The following CCDC127 variants were observed in gnomAD, a reference collection of about 807,000 sequenced individuals.
CCDC127 encodes the protein coiled-coil domain containing 127, also known as coiled-coil domain-containing protein 127.
Under a neutral mutation model 4.1 loss-of-function variants are expected in CCDC127, and 2 were observed. The observed-to-expected ratio is 0.49, with a 90% confidence interval of 0.20 to 1.53. The LOEUF (loss-of-function observed/expected upper bound fraction) is 1.53. CCDC127 is among the 40% of genes most tolerant of loss of function. The pLI is 0.23. For synonymous variants in CCDC127, 98 were observed against 120.4 expected, an observed-to-expected ratio of 0.81 and a Z score of 1.22; for missense variants, 271 against 322.9, an observed-to-expected ratio of 0.84 and a Z score of 1.23.
At chr5:213,434 A>G (rs76415767) in intron 2 of CCDC127, among the ~76,000 whole-genome samples, 56 of 89,030 alleles carry the variant, frequency 6.3e-4, no homozygotes, top group African/African-American at 1.6e-3. Flanking sequence ...GTGTGAGCAC[A>G]CTGATGCTTG....
Position 202,696 on chromosome 5 carries a change from C to G in CCDC127, c.*2601G>C, listed in dbSNP as rs373053921. On this transcript the variant is annotated 3_prime_UTR_variant, in exon 3 of 3. Coordinates refer to ENST00000296824, the MANE Select transcript of CCDC127 (RefSeq NM_145265.3). ...TCACTATAGAAGGAAGCTAGGCTGA[C>G]AGCACACTGGACATTAGAAACAGGA... 3 of 152,274 alleles carry G rather than the reference C, an allele frequency of 2.0e-5. No homozygotes were observed. Among genetic ancestry groups the G allele is most frequent in the Non-Finnish European group, 4.4e-5 (3 of 68,056 alleles). The allele number at this position is 152,274 out of a possible 1,614,324, so 9.4% of individuals were successfully genotyped here.
chr5:210,556 T>C (rs971712415), intron 2 of CCDC127, among the ~76,000 whole-genome samples: 26 of 152,164 alleles, frequency 1.7e-4, no homozygotes, highest in Non-Finnish European at 3.5e-4. Flanking sequence ...CATCACACCC[T>C]GGAGCCACGA....
Position 197,087 on chromosome 5 carries a change from C to G in CCDC127, c.*8210G>C, listed in dbSNP as rs1017082860. ...TTAAGTTCAAGGGAAGGTACTATGC[C>G]TGGACGTGCACGTAGGCCAGATTTA... On this transcript the variant is annotated 3_prime_UTR_variant, in exon 3 of 3. Coordinates refer to ENST00000296824, the MANE Select transcript of CCDC127 (RefSeq NM_145265.3). 1.3e-4 allele frequency: 20 copies of G among 151,898 alleles called. No homozygotes were observed. The highest frequency in any genetic ancestry group is 3.9e-4 in the East Asian group (2 of 5,192). 9.4% of individuals were successfully genotyped at this position (151,898 alleles called of 1,614,324 possible). A position where few individuals can be genotyped will look rare whatever the true frequency, so the allele number is the denominator to read the frequency against.
intron 2 of CCDC127, chr5:215,709 C>G (rs1336479842): frequency 6.6e-6 from 1 of 152,100 alleles, no homozygotes; most frequent in Non-Finnish European, 1.5e-5. Flanking sequence ...TACAGCAAAA[C>G]TTCTGACCTG....
rs1734209442 is a variant in CCDC127 at position 207,891 on chromosome 5, A to G, written c.122-1933T>C. On this transcript the variant is annotated intron_variant, in intron 2 of 2. Coordinates refer to ENST00000296824, the MANE Select transcript of CCDC127 (RefSeq NM_145265.3). ...AGTCGAGTCACATCATTGACACACC[A>G]AACCACTGGAAAACTAACACAGACA... Among the ~76,000 whole-genome samples the G allele has an allele frequency of 3.3e-5, 5 of 152,172 alleles. No homozygotes were observed. The South Asian group carries it at 1.0e-3, about 32-fold the overall frequency.
At position 202,866 on chromosome 5, in the gene CCDC127, T is replaced by C. The variant is rs1734098007; in HGVS notation, c.*2431A>G. The C allele has an allele frequency of 6.6e-6, 1 of 152,192 alleles. No homozygotes were observed. The highest frequency in any genetic ancestry group is 1.5e-5 in the Non-Finnish European group (1 of 68,040). The allele number at this position is 152,192 out of a possible 1,614,324, so 9.4% of individuals were successfully genotyped here. On this transcript the variant is annotated 3_prime_UTR_variant, in exon 3 of 3. Coordinates refer to ENST00000296824, the MANE Select transcript of CCDC127 (RefSeq NM_145265.3). The stretch of plus-strand genomic sequence containing the variant: ...CAGGAATGGAGCCTGCACCGCTCTT[T>C]AGGCAAGGGTCTTGATGCATCAGGA...
Position 205,380 on chromosome 5 carries a change from T to C in CCDC127, c.700A>G (p.Met234Val). The change falls in exon 3 of 3, where the codon ATG becomes GTG. Residue 234 changes from methionine to valine, a missense_variant. Met to Val is a conservative substitution (Grantham distance 21). This residue lies in a region of CCDC127 where 265 missense variants were observed against 270.9 expected (regional missense o/e 0.98). Coordinates refer to ENST00000296824, the MANE Select transcript of CCDC127 (RefSeq NM_145265.3). ...TCCCAGTATTTGAGATAGAGCCACA[T>C]GAGTCTGCCATTCTGGCGTTTGTTG... ...NTNKRQNGRL[M>V]WLYLKYWELV... The C allele has an allele frequency of 1.2e-6, 2 of 1,610,552 alleles. No homozygotes were observed. Among genetic ancestry groups the C allele is most frequent in the East Asian group, 2.2e-5 (1 of 44,878 alleles).
Position 198,754 on chromosome 5 carries a change from ACTC to A in CCDC127, c.*6540_*6542del, listed in dbSNP as rs1734015372. On this transcript the variant is annotated 3_prime_UTR_variant, in exon 3 of 3. Transcript: ENST00000296824. ...GTCTTTGTCCTCGCCCAATCTTGTG[ACTC>A]CAGTCCTGGGTCGCATGGCGTCTGT... The A allele has an allele frequency of 6.6e-6, 1 of 152,022 alleles. No individual in the cohort carries two copies. Among genetic ancestry groups the A allele is most frequent in the Admixed American group, 6.5e-5 (1 of 15,268 alleles). The allele number at this position is 152,022 out of a possible 1,614,324, so 9.4% of individuals were successfully genotyped here. A position where few individuals can be genotyped will look rare whatever the true frequency, so the allele number is the denominator to read the frequency against.
chr5:208,247 A>C (rs1207406917), intron 2 of CCDC127, among the ~76,000 whole-genome samples: 1 of 152,156 alleles, frequency 6.6e-6, no homozygotes, highest in Non-Finnish European at 1.5e-5. Flanking sequence ...GAGAAGGCAG[A>C]CTGGCTTGGG....
At chr5:210,641 C>T (rs1459708063) in intron 2 of CCDC127, among the ~76,000 whole-genome samples, 12 of 150,520 alleles carry the variant, frequency 8.0e-5, no homozygotes, top group Admixed American at 4.6e-4. Flanking sequence ...ATGGGGCAGA[C>T]GGGACAGCAG....
At position 205,000 on chromosome 5, in the gene CCDC127, T is replaced by A; in HGVS notation, c.*297A>T. ...TTGTATTTGACTTTTTAAAAAACCA[T>A]TTTTACCCTGGAGCTAAAATACGAG... On this transcript the variant is annotated 3_prime_UTR_variant, in exon 3 of 3. Coordinates refer to ENST00000296824, the MANE Select transcript of CCDC127 (RefSeq NM_145265.3). The A allele has an allele frequency of 3.8e-6, 1 of 263,468 alleles. No homozygotes were observed. The highest frequency in any genetic ancestry group is 7.1e-6 in the Non-Finnish European group (1 of 140,910). 16.3% of individuals were successfully genotyped at this position (263,468 alleles called of 1,614,324 possible).
rs1465392518 is a variant in CCDC127 at position 204,384 on chromosome 5, A to T, written c.*913T>A. On this transcript the variant is annotated 3_prime_UTR_variant, in exon 3 of 3. Coordinates refer to ENST00000296824, the MANE Select transcript of CCDC127 (RefSeq NM_145265.3). ...GAGGATTCCATGAGTGAACAGGTAT[A>T]CAGGCTCAATTCCCAGTAGCTATGT... The T allele has an allele frequency of 6.6e-6, 1 of 152,252 alleles. No individual in the cohort carries two copies. Among genetic ancestry groups the T allele is most frequent in the African/African-American group, 2.4e-5 (1 of 41,452 alleles). The allele number at this position is 152,252 out of a possible 1,614,324, so 9.4% of individuals were successfully genotyped here.
At position 218,120 on chromosome 5, in the gene CCDC127, G is replaced by A. The variant is rs1168018146; in HGVS notation, c.-38C>T. ...CGGTCGGGGAGCGCGGGACCTCAGC[G>A]TTCCCTTAACGCCACCGTCCGCGGG... On this transcript the variant is annotated 5_prime_UTR_variant, in exon 1 of 3. It adds an upstream start codon to the 5' untranslated region. Transcript: ENST00000296824. The A allele has an allele frequency of 3.3e-6, 4 of 1,225,080 alleles. No individual in the cohort carries two copies. The highest frequency in any genetic ancestry group is 3.3e-5 in the East Asian group (1 of 29,968). 75.9% of individuals were successfully genotyped at this position (1,225,080 alleles called of 1,614,324 possible).
In CCDC127 at chr5:203,999, G is replaced by A. The variant is rs1430304402; in HGVS notation, c.*1298C>T. 6.6e-6 allele frequency: 1 copy of A among 152,200 alleles called. No homozygotes were observed. Among genetic ancestry groups the A allele is most frequent in the Non-Finnish European group, 1.5e-5 (1 of 68,058 alleles). 9.4% of individuals were successfully genotyped at this position (152,200 alleles called of 1,614,324 possible). ...CTGTGACCACAGTACTTGTGCTCACGGCACAGACCACACCAAACCCACCCT... is the reference window on the plus strand; with the variant it reads ...CTGTGACCACAGTACTTGTGCTCACAGCACAGACCACACCAAACCCACCCT... On this transcript the variant is annotated 3_prime_UTR_variant, in exon 3 of 3. Coordinates refer to ENST00000296824, the MANE Select transcript of CCDC127 (RefSeq NM_145265.3).
chr5:217,799 T>C (rs549850192), intron 1 of CCDC127, among the ~76,000 whole-genome samples: 2 of 152,342 alleles, frequency 1.3e-5, no homozygotes, highest in African/African-American at 4.8e-5. Context: ...ACTGAGTACC[T>C]ACACGAAGTT....
rs1273168039 is a variant in CCDC127, at chr5:197,274, G to A, written c.*8023C>T. On this transcript the variant is annotated 3_prime_UTR_variant, in exon 3 of 3. Coordinates refer to ENST00000296824, the MANE Select transcript of CCDC127 (RefSeq NM_145265.3). Reference sequence around the variant, plus strand: ...CGCGACATTCAGTTCCCAGCGGCGAGCAGGAGACAGTGGACTTCTCTCTCT... The same window carrying A: ...CGCGACATTCAGTTCCCAGCGGCGAACAGGAGACAGTGGACTTCTCTCTCT... 1 of 152,208 alleles carries A rather than the reference G, an allele frequency of 6.6e-6. No homozygotes were observed. Among genetic ancestry groups the A allele is most frequent in the African/African-American group, 2.4e-5 (1 of 41,444 alleles). 9.4% of individuals were successfully genotyped at this position (152,208 alleles called of 1,614,324 possible).
intron 2 of CCDC127, chr5:215,798 A>G (rs1734369014): frequency 6.6e-6 from 1 of 152,170 alleles, no homozygotes; most frequent in Non-Finnish European, 1.5e-5. Context: ...TCTTCCATTC[A>G]ATTATTCAGT....
rs1734128445 is a variant in CCDC127, at chr5:204,427, G to C, written c.*870C>G. On this transcript the variant is annotated 3_prime_UTR_variant, in exon 3 of 3. Transcript: ENST00000296824. Reference sequence around the variant, plus strand: ...AGCTATGTGTGACATGGGGTGATAAGTGCCTGTCTACCTTGTTGGCTGTGG... The same window carrying C: ...AGCTATGTGTGACATGGGGTGATAACTGCCTGTCTACCTTGTTGGCTGTGG... The C allele has an allele frequency of 6.6e-6, 1 of 152,248 alleles. No homozygotes were observed. Among genetic ancestry groups the C allele is most frequent in the South Asian group, 2.1e-4 (1 of 4,838 alleles). The allele number at this position is 152,248 out of a possible 1,614,324, so 9.4% of individuals were successfully genotyped here.
intron 2 of CCDC127, among the ~76,000 whole-genome samples, chr5:207,621 C>T (rs73029478): frequency 0.097 from 14,679 of 152,106 alleles, 2,308 homozygotes; most frequent in African/African-American, 0.33. Flanking sequence ...TGCCTGGGGA[C>T]GGGGCTTATG....
Sources: allele counts gnomAD v4.1 joint callset (sites outside exome capture counted in the v4.1 genomes callset), GRCh38; gene constraint gnomAD v4.1.1; regional missense constraint gnomAD v4.1.1; transcripts MANE v1.5; gene names NCBI Gene and HGNC (gene_info 2026-07-23, HGNC 2026-07-21).